Variants in STK39 observed in about 807,000 individuals in gnomAD.
STK39 encodes serine/threonine kinase 39, also known as STE20/SPS1-related proline-alanine-rich protein kinase.
A neutral mutation model predicts 77.8 loss-of-function variants in STK39; 20 were observed. The ratio of observed to expected loss-of-function variants is 0.26; its 90% CI spans 0.18 to 0.37. The LOEUF is 0.37. Ranked by LOEUF, STK39 falls within the 10% of genes least tolerant of loss-of-function variation. The pLI is 1.00. For missense variants in STK39, 479 were observed against 656.5 expected (o/e 0.73, Z 2.95); for synonymous variants, 246 against 234.1 (o/e 1.05, Z -0.47).
chr2:168,086,793 T>G (rs1224173083), intron 10 of STK39, among the ~76,000 whole-genome samples: 1 of 152,180 alleles, frequency 6.6e-6, no homozygotes, highest in African/African-American at 2.4e-5. Flanking sequence ...GAAAGGGCAA[T>G]GTCTTGAAAG....
At chr2:168,074,019 G>A (rs1234186409) in intron 12 of STK39, among the ~76,000 whole-genome samples, 1 of 152,114 alleles carries the variant, frequency 6.6e-6, no homozygotes, top group African/African-American at 2.4e-5. Flanking sequence ...CAGGCAAGCT[G>A]AAAAATGCCT....
chr2:168,064,166 A>G (rs1292979853), intron 13 of STK39, among the ~76,000 whole-genome samples: 1 of 152,202 alleles, frequency 6.6e-6, no homozygotes, highest in Non-Finnish European at 1.5e-5. Context: ...AAATGCAACC[A>G]TGAGCAAGCC....
intron 10 of STK39, among the ~76,000 whole-genome samples, chr2:168,101,408 C>T (rs1041577384): frequency 2.0e-5 from 3 of 152,182 alleles, no homozygotes; most frequent in African/African-American, 4.8e-5. Context: ...ATACTACTTA[C>T]TGCACTACAC....
chr2:168,032,858 T>C (rs1399331769), intron 14 of STK39, among the ~76,000 whole-genome samples: 1 of 152,220 alleles, frequency 6.6e-6, no homozygotes, highest in East Asian at 1.9e-4. Context: ...TGAGGCAAAA[T>C]AAAATAACCA....
chr2:168,219,231 A>G (rs1421715740), intron 1 of STK39, among the ~76,000 whole-genome samples: 1 of 151,998 alleles, frequency 6.6e-6, no homozygotes, highest in African/African-American at 2.4e-5. Context: ...GGTTGCAGTG[A>G]GCCAAGATTG....
At chr2:168,019,293 G>C (rs4271738) in intron 14 of STK39, among the ~76,000 whole-genome samples, 20,108 of 152,180 alleles carry the variant, frequency 0.13, 2,879 homozygotes, top group African/African-American at 0.35. Flanking sequence ...TTCTGAGAGA[G>C]AGAGACCACA....
At chr2:168,047,081 A>G (rs1248527583) in intron 14 of STK39, among the ~76,000 whole-genome samples, 1 of 152,226 alleles carries the variant, frequency 6.6e-6, no homozygotes, top group Non-Finnish European at 1.5e-5. Flanking sequence ...TTTAGCCCTG[A>G]TATTTTTTAA....
At chr2:168,161,904 C>G in intron 4 of STK39, 62 bp from the exon 5 acceptor site, 1 of 1,262,024 alleles carries the variant, frequency 7.9e-7, no homozygotes, top group Non-Finnish European at 1.1e-6. Flanking sequence ...TATTGATTCA[C>G]TCAGGAAGAT....
intron 5 of STK39, among the ~76,000 whole-genome samples, chr2:168,161,134 C>T (rs1196420145): frequency 1.3e-5 from 2 of 152,152 alleles, no homozygotes; most frequent in African/African-American, 4.8e-5. Flanking sequence ...AAAAGGATTG[C>T]TGAGACAGAC....
chr2:168,033,240 C>T (rs750824399), intron 14 of STK39, among the ~76,000 whole-genome samples: 79 of 150,864 alleles, frequency 5.2e-4, no homozygotes, highest in Admixed American at 2.0e-4. Flanking sequence ...TCAAGTAACA[C>T]CAGCAAAAAG....
chr2:168,051,950 G>C (rs1685407666), intron 14 of STK39, among the ~76,000 whole-genome samples: 1 of 151,482 alleles, frequency 6.6e-6, no homozygotes, highest in Non-Finnish European at 1.5e-5. Context: ...ATAGGTGTTT[G>C]GCTTCACTCT....
intron 1 of STK39, chr2:168,232,100 G>C (rs1235809080): frequency 7.9e-6 from 2 of 253,212 alleles, no homozygotes; most frequent in South Asian, 1.4e-4. Flanking sequence ...AAGATCCACA[G>C]TTACACTCAT....
intron 17 of STK39, among the ~76,000 whole-genome samples, chr2:167,959,859 C>A (rs1322453954): frequency 6.6e-6 from 1 of 151,988 alleles, no homozygotes; most frequent in Non-Finnish European, 1.5e-5. Context: ...CCAGTTTTAC[C>A]CACCACGGCT....
chr2:168,246,649 T>C (rs925524442), intron 1 of STK39, among the ~76,000 whole-genome samples: 3 of 152,022 alleles, frequency 2.0e-5, no homozygotes, highest in Non-Finnish European at 4.4e-5. Context: ...GTGGCGGCTG[T>C]CAGGAAGAGA....
chr2:168,185,337 T>C (rs1019296330), intron 1 of STK39, among the ~76,000 whole-genome samples: 3 of 152,236 alleles, frequency 2.0e-5, no homozygotes, highest in African/African-American at 7.2e-5. Flanking sequence ...ATCTTTTCAG[T>C]TCACTCTTTT....
intron 16 of STK39, among the ~76,000 whole-genome samples, chr2:167,966,156 C>T (rs1692153474): frequency 1.3e-5 from 2 of 152,126 alleles, no homozygotes; most frequent in South Asian, 2.1e-4. Context: ...ACACACATAT[C>T]GGGTACACCC....
At chr2:168,081,683 T>C (rs112939113) in intron 10 of STK39, among the ~76,000 whole-genome samples, 2 of 152,146 alleles carry the variant, frequency 1.3e-5, no homozygotes, top group African/African-American at 4.8e-5. Flanking sequence ...TTTGGCTGTG[T>C]CCGCACCCAA....
intron 5 of STK39, among the ~76,000 whole-genome samples, chr2:168,154,442 G>A (rs1389776573): frequency 6.6e-6 from 1 of 152,124 alleles, no homozygotes; most frequent in African/African-American, 2.4e-5. Context: ...ACAATCAAGT[G>A]TTAAATCATA....
intron 1 of STK39, among the ~76,000 whole-genome samples, chr2:168,206,120 T>A (rs1338028406): frequency 6.6e-6 from 1 of 152,154 alleles, no homozygotes. Context: ...GTTACCACAA[T>A]CGCTGACAGC....
Sources: allele counts gnomAD v4.1 joint callset (sites outside exome capture counted in the v4.1 genomes callset), GRCh38; gene constraint gnomAD v4.1.1; transcripts MANE v1.5; gene names NCBI Gene and HGNC (gene_info 2026-07-23, HGNC 2026-07-21).